BANK1: variants seen among roughly 807,000 people sequenced by gnomAD.
BANK1 encodes the protein B-cell scaffold protein with ankyrin repeats.
In BANK1, 95 loss-of-function variants were observed where a neutral mutation model predicts 94.5. The ratio of observed to expected loss-of-function variants is 1.00; its 90% CI spans 0.85 to 1.19. BANK1 has a LOEUF of 1.19. Ranked by LOEUF, BANK1 falls within the 50% of genes most tolerant of loss-of-function variation. The pLI is 0.00. For synonymous variants in BANK1, 334 were observed against 308.4 expected (o/e 1.08, Z -0.87); for missense variants, 987 against 932.2 (o/e 1.06, Z -0.77).
At chr4:101,862,427 A>G (rs1727913389) in intron 3 of BANK1, 99 bp from the exon 4 acceptor site, 5 of 909,722 alleles carry the variant, frequency 5.5e-6, no homozygotes, top group Non-Finnish European at 6.3e-6. Flanking sequence ...GACTTATTCA[A>G]TAATAGTGTA....
At chr4:101,906,744 A>G (rs1722464878) in intron 6 of BANK1, among the ~76,000 whole-genome samples, 1 of 152,004 alleles carries the variant, frequency 6.6e-6, no homozygotes, top group African/African-American at 2.4e-5. Context: ...CTTCTTACTC[A>G]CCACGGGGAT....
At chr4:101,983,063 T>G (rs1001206742) in intron 7 of BANK1, among the ~76,000 whole-genome samples, 1 of 152,090 alleles carries the variant, frequency 6.6e-6, no homozygotes, top group African/African-American at 2.4e-5. Flanking sequence ...AACTATCCCC[T>G]AACAAATTGT....
rs140868220 is a variant in BANK1 at position 101,895,348 on chromosome 4, A to C, written c.947A>C (p.Lys316Thr). The C allele has an allele frequency of 7.5e-5, 120 of 1,595,660 alleles. No homozygotes were observed. In the African/African-American group the frequency reaches 1.5e-3, roughly 20 times the overall value. The change falls in exon 6 of 17, where the codon AAA becomes ACA. Residue 316 changes from lysine (K) to threonine (T), a missense_variant. Lys to Thr is a moderately conservative substitution (Grantham distance 78). Transcript: ENST00000322953. The part of the protein sequence containing the change: ...ELDGVLTSIF[K>T]HEIPYYEFQS... ...GATGGTGTCCTTACATCCATATTCA[A>C]ACATGAGATACCATATTATGAGTTC...
chr4:101,922,060 C>CTGTG (rs1723019695), intron 7 of BANK1, among the ~76,000 whole-genome samples: 2 of 106,424 alleles, frequency 1.9e-5, no homozygotes, highest in East Asian at 3.0e-4. Context: ...GTGTGTGAGA[C>CTGTG]AGAGAGATTT....
chr4:101,845,016 ATATACT>A (rs1260570336), intron 2 of BANK1, among the ~76,000 whole-genome samples: 12 of 152,290 alleles, frequency 7.9e-5, no homozygotes, highest in Admixed American at 3.3e-4. Context: ...TGAGGATCGG[ATATACT>A]TATATATAAT....
In BANK1 at chr4:101,854,985, T is replaced by C. The variant is rs559925760; in HGVS notation, c.470-50T>C. ...TTAGTCTTTATAGCAATGGAGGAAA[T>C]ACTGTGGCTTTAGTTATATTATAAT... On this transcript the variant is annotated intron_variant, in intron 2 of 16. Coordinates refer to ENST00000322953, the MANE Select transcript of BANK1 (RefSeq NM_017935.5). 7.8e-6 allele frequency: 11 copies of C among 1,415,650 alleles called. No individual in the cohort carries two copies. In the African/African-American group the frequency reaches 9.9e-5, roughly 13 times the overall value. 87.7% of individuals were successfully genotyped at this position (1,415,650 alleles called of 1,614,324 possible). A position where few individuals can be genotyped will look rare whatever the true frequency, so the allele number is the denominator to read the frequency against.
chr4:102,055,749 T>A (rs1728205747), intron 11 of BANK1, among the ~76,000 whole-genome samples: 1 of 152,096 alleles, frequency 6.6e-6, no homozygotes. Flanking sequence ...AAAGTACCTA[T>A]TAAAAAGATA....
At chr4:102,027,164 ATAATT>A (rs1280416133) in intron 9 of BANK1, among the ~76,000 whole-genome samples, 2 of 152,176 alleles carry the variant, frequency 1.3e-5, no homozygotes, top group Non-Finnish European at 2.9e-5. Flanking sequence ...TCAGATCTGA[ATAATT>A]TGTTATAACA....
intron 5 of BANK1, among the ~76,000 whole-genome samples, chr4:101,890,410 A>T (rs1048135273): frequency 4.0e-5 from 6 of 151,844 alleles, no homozygotes; most frequent in Admixed American, 3.3e-4. Context: ...TCATTATATA[A>T]GGTCCCTTTC....
chr4:102,008,512 C>G (rs1014914177), intron 7 of BANK1, among the ~76,000 whole-genome samples: 2 of 152,124 alleles, frequency 1.3e-5, no homozygotes, highest in East Asian at 1.9e-4. Flanking sequence ...TCAATTTCAT[C>G]TAGTGACCAT....
rs1452381977 is a variant in BANK1 at position 101,957,866 on chromosome 4, ACGGAGTCT to A, written c.1206+39680_1206+39687del. Among the ~76,000 whole-genome samples, 28 of 128,360 alleles carry A rather than the reference ACGGAGTCT, an allele frequency of 2.2e-4. No individual in the cohort carries two copies. The East Asian group carries it at 2.7e-3, about 12-fold the overall frequency. The allele number at this position is 128,360 out of a possible 152,430, so 84.2% of individuals were successfully genotyped here. A position where few individuals can be genotyped will look rare whatever the true frequency, so the allele number is the denominator to read the frequency against. The stretch of plus-strand genomic sequence containing the variant: ...TTGCTTTTTTTTTTTTTTTTTTGAG[ACGGAGTCT>A]CGCTCTGTCGCCCAGGCTGGAATGC... On this transcript the variant is annotated intron_variant, in intron 7 of 16. Transcript: ENST00000322953.
At chr4:102,052,905 T>C (rs978037414) in intron 11 of BANK1, among the ~76,000 whole-genome samples, 1 of 152,148 alleles carries the variant, frequency 6.6e-6, no homozygotes, top group Admixed American at 6.6e-5. Flanking sequence ...GTGAAAGACA[T>C]TTTAGATGAG....
intron 2 of BANK1, among the ~76,000 whole-genome samples, chr4:101,838,277 A>G (rs1726906362): frequency 6.6e-6 from 1 of 152,082 alleles, no homozygotes; most frequent in Non-Finnish European, 1.5e-5. Flanking sequence ...GCTTTTAAAC[A>G]TATTCTTATT....
intron 1 of BANK1, among the ~76,000 whole-genome samples, chr4:101,807,771 G>A (rs916474436): frequency 1.3e-5 from 2 of 152,144 alleles, no homozygotes; most frequent in Non-Finnish European, 2.9e-5. Context: ...TAGTTAGTCA[G>A]TGATAGACCT....
intron 7 of BANK1, among the ~76,000 whole-genome samples, chr4:101,920,492 C>T (rs1412456109): frequency 6.6e-6 from 1 of 151,790 alleles, no homozygotes; most frequent in Non-Finnish European, 1.5e-5. Flanking sequence ...GCTTTAAAAG[C>T]CTCTATATCA....
At position 101,946,840 on chromosome 4, in the gene BANK1, G is replaced by A. The variant is rs969679136; in HGVS notation, c.1206+28651G>A. 5.3e-5 allele frequency among the ~76,000 whole-genome samples: 8 copies of A among 152,044 alleles called. No homozygotes were observed. The South Asian group carries it at 1.7e-3, about 32-fold the overall frequency. On this transcript the variant is annotated intron_variant, in intron 7 of 16. Coordinates refer to ENST00000322953, the MANE Select transcript of BANK1 (RefSeq NM_017935.5). ...CCAATCCCCGCTGAAATTCTAGAAG[G>A]TCATGTGGTTTATGAATACTTAGGA...
intron 5 of BANK1, among the ~76,000 whole-genome samples, chr4:101,874,467 C>T (rs1728412739): frequency 6.6e-6 from 1 of 152,124 alleles, no homozygotes; most frequent in African/African-American, 2.4e-5. Flanking sequence ...CTATCTTTCT[C>T]AAAAGCTTAA....
chr4:101,956,848 T>G (rs1192628276), intron 7 of BANK1, among the ~76,000 whole-genome samples: 1 of 152,216 alleles, frequency 6.6e-6, no homozygotes, highest in African/African-American at 2.4e-5. Flanking sequence ...CTCAGGGTCC[T>G]CATAGTACAG....
chr4:101,821,998 G>T (rs79007404), intron 1 of BANK1, among the ~76,000 whole-genome samples: 6 of 152,108 alleles, frequency 3.9e-5, no homozygotes, highest in South Asian at 4.2e-4. Context: ...AAATCAGTCT[G>T]GGGGGAATCA....
Sources: allele counts gnomAD v4.1 joint callset (sites outside exome capture counted in the v4.1 genomes callset), GRCh38; gene constraint gnomAD v4.1.1; transcripts MANE v1.5; gene names NCBI Gene and HGNC (gene_info 2026-07-23, HGNC 2026-07-21).